The following DCDC2 variants were observed in gnomAD, a reference collection of about 807,000 sequenced individuals.
DCDC2 encodes the protein doublecortin domain-containing protein 2.
DCDC2 carries 40 observed loss-of-function variants against 50.2 expected under a neutral mutation model. The ratio of observed to expected loss-of-function variants is 0.80; its 90% CI spans 0.62 to 1.04. DCDC2 has a LOEUF of 1.04. Ranked by LOEUF, DCDC2 falls within the 50% of genes least tolerant of loss-of-function variation. The pLI is 0.00. For missense variants in DCDC2, 570 were observed against 581.9 expected, an observed-to-expected ratio of 0.98 and a Z score of 0.21; for synonymous variants, 234 against 210.6, an observed-to-expected ratio of 1.11 and a Z score of -0.96.
chr6:24,227,439 T>G (rs981301726), intron 7 of DCDC2, among the ~76,000 whole-genome samples: 4 of 152,052 alleles, frequency 2.6e-5, no homozygotes, highest in Non-Finnish European at 5.9e-5. Flanking sequence ...TATCAAGAAA[T>G]CTAACTAAAG....
intron 4 of DCDC2, among the ~76,000 whole-genome samples, chr6:24,298,011 C>T (rs867249482): frequency 1.4e-4 from 22 of 152,286 alleles, no homozygotes; most frequent in African/African-American, 4.3e-4. Context: ...GAGCAGTGGT[C>T]CCCAACTTTT....
At chr6:24,234,291 G>A (rs1010941077) in intron 7 of DCDC2, among the ~76,000 whole-genome samples, 4 of 152,034 alleles carry the variant, frequency 2.6e-5, no homozygotes, top group Middle Eastern at 3.2e-3. Context: ...TGTAGTGAGC[G>A]ATCAAGCCCA....
chr6:24,358,488 C>T (rs368783603), upstream of DCDC2, among the ~76,000 whole-genome samples: 2 of 138,202 alleles, frequency 1.4e-5, no homozygotes, highest in African/African-American at 5.6e-5. Context: ...GAGTTTGAGA[C>T]CAGCCTGACC....
chr6:24,242,622 C>T (rs553548156), intron 7 of DCDC2, among the ~76,000 whole-genome samples: 13 of 152,242 alleles, frequency 8.5e-5, no homozygotes, highest in African/African-American at 3.1e-4. Flanking sequence ...CAGACTGTCA[C>T]AGAGCACAGG....
intron 7 of DCDC2, among the ~76,000 whole-genome samples, chr6:24,220,798 C>T (rs955278966): frequency 4.5e-5 from 3 of 66,906 alleles, no homozygotes; most frequent in African/African-American, 2.2e-4. Context: ...CCTCAGAAAA[C>T]TTACAATCAC....
intron 7 of DCDC2, among the ~76,000 whole-genome samples, chr6:24,223,501 G>C (rs1312026016): frequency 3.9e-5 from 6 of 152,198 alleles, no homozygotes. Context: ...CATGCAGGTT[G>C]CAACAATTTT....
intron 7 of DCDC2, among the ~76,000 whole-genome samples, chr6:24,257,676 T>C (rs1762922358): frequency 6.7e-6 from 1 of 149,070 alleles, no homozygotes; most frequent in Admixed American, 6.7e-5. Flanking sequence ...GGGAGGCTTG[T>C]GGAAGACGCC....
At chr6:24,234,568 C>T (rs72830822) in intron 7 of DCDC2, among the ~76,000 whole-genome samples, 8 of 151,944 alleles carry the variant, frequency 5.3e-5, no homozygotes, top group East Asian at 1.9e-4. Context: ...ACAAGGGTGG[C>T]GGTAGAGAGG....
intron 4 of DCDC2, among the ~76,000 whole-genome samples, chr6:24,291,556 G>T (rs1385474022): frequency 7.4e-6 from 1 of 135,526 alleles, no homozygotes; most frequent in African/African-American, 2.8e-5. Context: ...CAGGATCTCG[G>T]CTCACTGCAA....
At chr6:24,236,780 C>T (rs1398366106) in intron 7 of DCDC2, among the ~76,000 whole-genome samples, 8 of 152,174 alleles carry the variant, frequency 5.3e-5, no homozygotes, top group East Asian at 3.9e-4. Context: ...GAGGTTGAGG[C>T]GGGTGGATCA....
intron 7 of DCDC2, among the ~76,000 whole-genome samples, chr6:24,207,787 G>A (rs548269822): frequency 2.4e-4 from 37 of 152,176 alleles, no homozygotes; most frequent in African/African-American, 8.2e-4. Flanking sequence ...TTTCTCACAC[G>A]TTGATTCCCC....
At chr6:24,371,504 A>C in the DCDC2 span, among the ~76,000 whole-genome samples, 1 of 152,044 alleles carries the variant, frequency 6.6e-6, no homozygotes, top group Non-Finnish European at 1.5e-5. Context: ...GCTACTTGGG[A>C]AGCTGAGGTG....
At chr6:24,331,752 C>G (rs1342661407) in intron 2 of DCDC2, among the ~76,000 whole-genome samples, 1 of 152,064 alleles carries the variant, frequency 6.6e-6, no homozygotes, top group African/African-American at 2.4e-5. Flanking sequence ...CTACTTGATT[C>G]TGATGACAGA....
chr6:24,236,577 C>T (rs531521741), intron 7 of DCDC2, among the ~76,000 whole-genome samples: 3 of 152,180 alleles, frequency 2.0e-5, no homozygotes, highest in East Asian at 1.9e-4. Context: ...CTTCTGCACA[C>T]CAAAGAAACT....
intron 7 of DCDC2, among the ~76,000 whole-genome samples, chr6:24,264,477 T>A (rs777073436): frequency 4.6e-5 from 7 of 152,138 alleles, no homozygotes; most frequent in Non-Finnish European, 8.8e-5. Flanking sequence ...AAAAGTTGGA[T>A]GAGGTTAAAC....
At chr6:24,298,252 G>A (rs1286725660) in intron 4 of DCDC2, among the ~76,000 whole-genome samples, 5 of 152,310 alleles carry the variant, frequency 3.3e-5, no homozygotes, top group African/African-American at 7.2e-5. Flanking sequence ...GGTGATGCTC[G>A]CCTGCCACTC....
At chr6:24,234,182 A>T (rs1361658055) in intron 7 of DCDC2, among the ~76,000 whole-genome samples, 3 of 152,144 alleles carry the variant, frequency 2.0e-5, no homozygotes, top group African/African-American at 7.2e-5. Context: ...GCTTTGACAA[A>T]AAGAAGTTGG....
intron 8 of DCDC2, among the ~76,000 whole-genome samples, chr6:24,197,798 T>C (rs535249755): frequency 6.6e-6 from 1 of 152,306 alleles, no homozygotes; most frequent in African/African-American, 2.4e-5. Context: ...AAATATCATA[T>C]AGTAGTCAGA....
At chr6:24,217,492 G>T (rs1285334905) in intron 7 of DCDC2, among the ~76,000 whole-genome samples, 1 of 152,172 alleles carries the variant, frequency 6.6e-6, no homozygotes, top group African/African-American at 2.4e-5. Context: ...TAGTGATTCT[G>T]TAAACTGTGG....
Sources: gnomAD v4.1 joint callset for allele counts (sites outside exome capture counted in the v4.1 genomes callset) on GRCh38, gnomAD v4.1.1 for gene constraint, MANE v1.5 for transcripts, NCBI Gene and HGNC (gene_info 2026-07-23, HGNC 2026-07-21) for gene names.